Variants in AMD1 observed in about 807,000 individuals in gnomAD.
The protein encoded by AMD1 is S-adenosylmethionine decarboxylase proenzyme.
AMD1 carries 11 observed loss-of-function variants against 40.2 expected under a neutral mutation model. That is an observed-to-expected ratio of 0.27 (90% CI 0.17 to 0.45). The LOEUF (loss-of-function observed/expected upper bound fraction) is 0.45. Ranked by LOEUF, AMD1 falls within the 20% of genes least tolerant of loss-of-function variation. AMD1 has a pLI of 1.00. For synonymous variants in AMD1, 121 were observed against 130.8 expected (o/e 0.93, Z 0.51); for missense variants, 257 against 410.2 (o/e 0.63, Z 3.23).
the AMD1 span, among the ~76,000 whole-genome samples, chr6:110,828,901 G>A: frequency 1.3e-5 from 2 of 152,204 alleles, no homozygotes; most frequent in Admixed American, 6.5e-5. Flanking sequence ...GCTGGGCGCG[G>A]TGGTTCACGC....
chr6:110,831,462 A>G, the AMD1 span, among the ~76,000 whole-genome samples: 1 of 151,310 alleles, frequency 6.6e-6, no homozygotes, highest in Non-Finnish European at 1.5e-5. Flanking sequence ...AAGTATTTTT[A>G]TTATTTTTTG....
chr6:110,863,397 T>A, the AMD1 span, among the ~76,000 whole-genome samples: 2 of 145,408 alleles, frequency 1.4e-5, no homozygotes, highest in African/African-American at 2.6e-5. Context: ...TTAGACAGAG[T>A]CTCGCTCTGT....
chr6:110,857,343 A>T, the AMD1 span, among the ~76,000 whole-genome samples: 2 of 151,560 alleles, frequency 1.3e-5, no homozygotes, highest in Non-Finnish European at 2.9e-5. Flanking sequence ...GACCAGCCTG[A>T]CCAATATGAA....
Position 110,876,868 on chromosome 6 carries a change from G to A in AMD1, c.110+1653G>A, listed in dbSNP as rs545945420. Among the ~76,000 whole-genome samples the A allele has an allele frequency of 2.0e-5, 3 of 151,198 alleles. No homozygotes were observed. The East Asian group carries it at 5.8e-4, about 29-fold the overall frequency. On this transcript the variant is annotated intron_variant, in intron 1 of 8. Coordinates refer to ENST00000368885, the MANE Select transcript of AMD1 (RefSeq NM_001634.6). ...CAGTCCTAGAAAACGAATAACAGAA[G>A]TTGTCACTTTGGCTTTTTAAATGTT...
chr6:110,874,417 C>A (rs1201534260), upstream of AMD1, among the ~76,000 whole-genome samples: 3 of 152,186 alleles, frequency 2.0e-5, no homozygotes, highest in African/African-American at 7.2e-5. Context: ...CGCTGAACCC[C>A]GCCAACACCC....
At chr6:110,852,982 CT>C in the AMD1 span, among the ~76,000 whole-genome samples, 16,112 of 111,332 alleles carry the variant, frequency 0.14, 815 homozygotes, top group East Asian at 0.27. Context: ...TAATTAAGCA[CT>C]TTTTTTTTTT....
the AMD1 span, among the ~76,000 whole-genome samples, chr6:110,837,498 G>T: frequency 6.6e-6 from 1 of 150,816 alleles, no homozygotes; most frequent in Non-Finnish European, 1.5e-5. Context: ...ATCACCTGAG[G>T]TCAGGAGTTC....
At chr6:110,877,580 T>G (rs953167629) in intron 1 of AMD1, among the ~76,000 whole-genome samples, 1 of 152,254 alleles carries the variant, frequency 6.6e-6, no homozygotes, top group Non-Finnish European at 1.5e-5. Flanking sequence ...ATAACAAGAT[T>G]TGAATTCAAA....
the AMD1 span, among the ~76,000 whole-genome samples, chr6:110,851,573 C>T: frequency 6.6e-6 from 1 of 152,122 alleles, no homozygotes; most frequent in Non-Finnish European, 1.5e-5. Flanking sequence ...AGCGATTCTC[C>T]TGACTCAGCC....
upstream of AMD1, among the ~76,000 whole-genome samples, chr6:110,870,547 C>T (rs773179964): frequency 3.9e-5 from 6 of 152,010 alleles, no homozygotes; most frequent in African/African-American, 9.7e-5. Context: ...CACTTGAGCC[C>T]GGGGAAGTTG....
chr6:110,886,739 C>G lies in AMD1; in HGVS notation c.111-766C>G, dbSNP rs192855511. Among the ~76,000 whole-genome samples the G allele has an allele frequency of 4.6e-5, 7 of 152,334 alleles. No individual in the cohort carries two copies. The East Asian group carries it at 1.2e-3, about 25-fold the overall frequency. ...AGTGAGCTGTGATTGCACCACTGCA[C>G]TTCAACCTGGGCGACAGAGTGAGAC... On this transcript the variant is annotated intron_variant, in intron 1 of 8. Coordinates refer to ENST00000368885, the MANE Select transcript of AMD1 (RefSeq NM_001634.6).
upstream of AMD1, chr6:110,874,784 C>A (rs1035710099): frequency 4.0e-6 from 1 of 252,494 alleles, no homozygotes; most frequent in Non-Finnish European, 7.7e-6. Context: ...GCAGCGCTCT[C>A]GCTTACACAG....
the AMD1 span, among the ~76,000 whole-genome samples, chr6:110,823,255 C>A: frequency 6.6e-6 from 1 of 152,024 alleles, no homozygotes; most frequent in Non-Finnish European, 1.5e-5. Context: ...TATGATAAAC[C>A]CACAGCCAAC....
At chr6:110,822,990 C>G in the AMD1 span, among the ~76,000 whole-genome samples, 1 of 152,114 alleles carries the variant, frequency 6.6e-6, no homozygotes, top group Non-Finnish European at 1.5e-5. Flanking sequence ...GTGGCGCATG[C>G]CTGTAATCCC....
chr6:110,853,407 A>G, the AMD1 span, among the ~76,000 whole-genome samples: 2 of 151,668 alleles, frequency 1.3e-5, no homozygotes, highest in African/African-American at 4.8e-5. Flanking sequence ...TCCCGGGTTC[A>G]AGCGACCCTC....
intron 1 of AMD1, among the ~76,000 whole-genome samples, chr6:110,886,169 G>A (rs1299184258): frequency 5.3e-5 from 8 of 149,924 alleles, no homozygotes; most frequent in African/African-American, 2.0e-4. Context: ...GTTGCAGTGA[G>A]CAGAGATCAT....
the AMD1 span, among the ~76,000 whole-genome samples, chr6:110,822,422 AG>A: frequency 2.0e-5 from 3 of 152,134 alleles, no homozygotes; most frequent in African/African-American, 7.2e-5. Context: ...ACAAGCAGTG[AG>A]ATTGCCAAGA....
In AMD1 at chr6:110,893,753, G is replaced by C; in HGVS notation, c.*137G>C. The C allele has an allele frequency of 1.1e-6, 1 of 940,544 alleles. No individual in the cohort carries two copies. Among genetic ancestry groups the C allele is most frequent in the Admixed American group, 2.8e-5 (1 of 35,544 alleles). The allele number at this position is 940,544 out of a possible 1,614,324, so 58.3% of individuals were successfully genotyped here. ...GCAGAAAGCCCTAGATGTAATGATAGTGTAATCATTTTGAATTGTATGCAT... is the reference window on the plus strand; with the variant it reads ...GCAGAAAGCCCTAGATGTAATGATACTGTAATCATTTTGAATTGTATGCAT... On this transcript the variant is annotated 3_prime_UTR_variant, in exon 9 of 9. Transcript: ENST00000368885.
intron 1 of AMD1, among the ~76,000 whole-genome samples, chr6:110,884,037 A>C (rs1277566940): frequency 6.6e-6 from 1 of 152,228 alleles, no homozygotes; most frequent in Admixed American, 6.5e-5. Flanking sequence ...TTTTGCATGG[A>C]TCTGACCCTA....
Sources: allele counts gnomAD v4.1 joint callset (sites outside exome capture counted in the v4.1 genomes callset), GRCh38; gene constraint gnomAD v4.1.1; transcripts MANE v1.5; gene names NCBI Gene and HGNC (gene_info 2026-07-23, HGNC 2026-07-21).